The following DDX46 variants were observed in gnomAD, a reference collection of about 807,000 sequenced individuals.
DDX46 encodes the protein probable ATP-dependent RNA helicase DDX46.
A neutral mutation model predicts 134.9 loss-of-function variants in DDX46; 30 were observed. That is an observed-to-expected ratio of 0.22 (90% CI 0.17 to 0.30). The LOEUF (loss-of-function observed/expected upper bound fraction) is 0.30, where lower values mean the gene tolerates loss of function less well. Among genes scored for constraint, DDX46 ranks in the 10% least tolerant of loss-of-function variants. The pLI is 1.00. For missense variants in DDX46, 622 were observed against 1,248.7 expected, an observed-to-expected ratio of 0.50 and a Z score of 7.56; for synonymous variants, 415 against 404.1, an observed-to-expected ratio of 1.03 and a Z score of -0.32.
chr5:134,776,282 C>T (rs762143845), intron 5 of DDX46, among the ~76,000 whole-genome samples: 3 of 151,164 alleles, frequency 2.0e-5, no homozygotes, highest in Admixed American at 6.6e-5. Context: ...CCCAGCTACT[C>T]GGGAGGCTGA....
chr5:134,821,950 T>A (rs1477318434), intron 21 of DDX46, among the ~76,000 whole-genome samples: 1 of 149,166 alleles, frequency 6.7e-6, no homozygotes, highest in East Asian at 2.0e-4. Context: ...TGGAGTGCAA[T>A]GGTGCTGTCT....
intron 15 of DDX46, among the ~76,000 whole-genome samples, chr5:134,804,520 C>G (rs1754925849): frequency 1.3e-5 from 2 of 152,110 alleles, no homozygotes; most frequent in Non-Finnish European, 2.9e-5. Flanking sequence ...TTACTGTAGC[C>G]TGAACCTCTC....
chr5:134,807,439 A>G (rs886404577), intron 15 of DDX46, among the ~76,000 whole-genome samples: 1 of 152,150 alleles, frequency 6.6e-6, no homozygotes, highest in African/African-American at 2.4e-5. Context: ...TTGTCAATAT[A>G]GGCTGAATGT....
chr5:134,820,953 C>T (rs189200765), intron 21 of DDX46, among the ~76,000 whole-genome samples: 140 of 150,548 alleles, frequency 9.3e-4, no homozygotes, highest in African/African-American at 3.3e-3. Context: ...GCAACTCCCA[C>T]CTCCTGGGTT....
intron 15 of DDX46, among the ~76,000 whole-genome samples, chr5:134,803,673 T>TG (rs1754898095): frequency 2.0e-5 from 3 of 152,254 alleles, no homozygotes; most frequent in Admixed American, 2.0e-4. Flanking sequence ...TTAGTCGCTC[T>TG]CTGGTGTCTT....
chr5:134,758,841 T>C lies in DDX46; in HGVS notation c.-98T>C. 10 of 1,584,940 alleles carry C rather than the reference T, an allele frequency of 6.3e-6. No individual in the cohort carries two copies. Among genetic ancestry groups the C allele is most frequent in the Non-Finnish European group, 8.7e-6 (10 of 1,154,962 alleles). On this transcript the variant is annotated 5_prime_UTR_variant, in exon 1 of 23. Transcript: ENST00000452510. ...TGTAGGTGCTGCTAGTGTTTAGCGC[T>C]GGTCTTTGCCGGGCGTTGAGGGCAG...
intron 15 of DDX46, among the ~76,000 whole-genome samples, chr5:134,798,820 T>C (rs1275067592): frequency 1.3e-5 from 2 of 152,210 alleles, no homozygotes; most frequent in African/African-American, 4.8e-5. Flanking sequence ...ATTTTCTTTG[T>C]AAGGCTGACT....
intron 2 of DDX46, 64 bp downstream of exon 2, chr5:134,764,156 T>C (rs1017282748): frequency 1.3e-6 from 2 of 1,490,048 alleles, no homozygotes; most frequent in Non-Finnish European, 1.8e-6. Flanking sequence ...TATAGCAGGC[T>C]TCTTGAAAAG....
chr5:134,759,418 A>C (rs1561846785), intron 1 of DDX46, among the ~76,000 whole-genome samples: 1 of 152,224 alleles, frequency 6.6e-6, no homozygotes, highest in East Asian at 1.9e-4. Context: ...CGACAGCACT[A>C]TACACGACTA....
intron 16 of DDX46, 52 bp from the exon 17 acceptor site, chr5:134,811,166 AAGT>A (rs750284675): frequency 6.5e-7 from 1 of 1,527,692 alleles, no homozygotes; most frequent in Non-Finnish European, 9.0e-7. Context: ...CTTATGATCT[AAGT>A]AGGATCCATC....
chr5:134,812,380 CT>C (rs967426496), intron 18 of DDX46, among the ~76,000 whole-genome samples: 6 of 151,908 alleles, frequency 3.9e-5, no homozygotes, highest in Non-Finnish European at 8.8e-5. Context: ...TGTGAAAAGT[CT>C]TTAACGAATC....
At chr5:134,802,687 T>C (rs1397449036) in intron 15 of DDX46, among the ~76,000 whole-genome samples, 1 of 152,206 alleles carries the variant, frequency 6.6e-6, no homozygotes, top group Non-Finnish European at 1.5e-5. Context: ...ATAATTATTA[T>C]ATGTGCTTTG....
intron 4 of DDX46, among the ~76,000 whole-genome samples, chr5:134,771,411 G>A (rs1369399962): frequency 7.3e-6 from 1 of 137,784 alleles, no homozygotes; most frequent in Non-Finnish European, 1.6e-5. Flanking sequence ...TGTTTCTATG[G>A]GCCAGGCACG....
At chr5:134,781,879 A>G in intron 7 of DDX46, 42 bp from the exon 8 acceptor site, 2 of 1,559,160 alleles carry the variant, frequency 1.3e-6, no homozygotes, top group Non-Finnish European at 1.7e-6. Flanking sequence ...AGGGGAAAAT[A>G]GTAATGAACT....
chr5:134,826,670 A>G (rs978969071), intron 21 of DDX46: 7 of 290,512 alleles, frequency 2.4e-5, no homozygotes, highest in Middle Eastern at 9.8e-4. Context: ...AATCACTAAT[A>G]GTCTTTTTAT....
rs1754647482 is a variant in DDX46 at position 134,796,162 on chromosome 5, CT to C, written c.1954+14del. On this transcript the variant is annotated intron_variant, in intron 15 of 22. Transcript: ENST00000452510. ...GTCTCTTCATGGAGGTAATTATTCA[CT>C]TGATTCACACATAAAATATCTATTA... 2 of 1,611,972 alleles carry C rather than the reference CT, an allele frequency of 1.2e-6. No homozygotes were observed. Among genetic ancestry groups the C allele is most frequent in the Non-Finnish European group, 1.7e-6 (2 of 1,179,500 alleles).
intron 1 of DDX46, 141 bp downstream of exon 1, chr5:134,759,096 T>TG: frequency 7.5e-7 from 1 of 1,336,708 alleles, no homozygotes; most frequent in Non-Finnish European, 1.0e-6. Flanking sequence ...TTGGAAGGGC[T>TG]GGGGGACCTC....
In DDX46 at chr5:134,817,652, G is replaced by A. The variant is rs1391474940; in HGVS notation, c.2770G>A (p.Gly924Ser). The change falls in exon 20 of 23, where the codon GGT becomes AGT. Residue 924 changes from glycine (G) to serine (S), a missense_variant. Transcript: ENST00000452510. ...LEKQEEERQD[G>S]GQNESFKRYE... ...GAAACAAGAAGAAGAGAGACAGGAT[G>A]GTGGACAGAATGAATCTTTTAAGAG... is the stretch of plus-strand genomic sequence containing the variant. 1 of 1,614,002 alleles carries A rather than the reference G, an allele frequency of 6.2e-7. No individual in the cohort carries two copies. The highest frequency in any genetic ancestry group is 8.5e-7 in the Non-Finnish European group (1 of 1,180,030).
chr5:134,830,347 CA>C lies in DDX46; in HGVS notation c.*1642del, dbSNP rs1327780913. The C allele has an allele frequency of 2.0e-5, 3 of 152,052 alleles. No individual in the cohort carries two copies. Among genetic ancestry groups the C allele is most frequent in the Non-Finnish European group, 4.4e-5 (3 of 68,024 alleles). The allele number at this position is 152,052 out of a possible 1,614,324, so 9.4% of individuals were successfully genotyped here. A position where few individuals can be genotyped will look rare whatever the true frequency, so the allele number is the denominator to read the frequency against. ...CATCGGTTATATGCATATAGCAAGC[CA>C]TTTCATATAAGAGGCTTGAACATCC... On this transcript the variant is annotated 3_prime_UTR_variant, in exon 23 of 23. Coordinates refer to ENST00000452510, the MANE Select transcript of DDX46 (RefSeq NM_001300860.2).
Sources: allele counts gnomAD v4.1 joint callset (sites outside exome capture counted in the v4.1 genomes callset), GRCh38; gene constraint gnomAD v4.1.1; transcripts MANE v1.5; gene names NCBI Gene and HGNC (gene_info 2026-07-23, HGNC 2026-07-21).